The following TJP3 variants were observed in gnomAD, a reference collection of about 807,000 sequenced individuals.
The protein encoded by TJP3 is tight junction protein ZO-3.
Under a neutral mutation model 104.2 loss-of-function variants are expected in TJP3, and 85 were observed. The observed-to-expected ratio is 0.82, with a 90% confidence interval of 0.68 to 0.98. The LOEUF is 0.98. Ranked by LOEUF, TJP3 falls within the 50% of genes least tolerant of loss-of-function variation. The probability of loss-of-function intolerance (pLI) is 0.00; values close to 1 mark genes in which losing one functional copy is unlikely to be tolerated. For synonymous variants in TJP3, 550 were observed against 550.6 expected (o/e 1.00, Z 0.02); for missense variants, 1,367 against 1,322.8 (o/e 1.03, Z -0.52).
intron 1 of TJP3, among the ~76,000 whole-genome samples, chr19:3,718,882 T>C (rs2036516509): frequency 6.6e-6 from 1 of 152,060 alleles, no homozygotes; most frequent in African/African-American, 2.4e-5. Flanking sequence ...AATACACGGC[T>C]ATTTAAAGAT....
intron 1 of TJP3, among the ~76,000 whole-genome samples, chr19:3,715,461 C>A (rs1349809443): frequency 3.3e-5 from 5 of 152,100 alleles, no homozygotes; most frequent in Non-Finnish European, 7.4e-5. Flanking sequence ...TAAGGCTATG[C>A]CCATCTCCAA....
In TJP3 at chr19:3,746,683, C is replaced by G. The variant is rs776669862; in HGVS notation, c.2209C>G (p.His737Asp). The change falls in exon 17 of 21, where the codon CAC (histidine) becomes GAC (aspartate). Residue 737 changes from histidine to aspartate, a missense_variant. Coordinates refer to ENST00000541714, the MANE Select transcript of TJP3 (RefSeq NM_001267560.2). The surrounding 1 kb of genome is among the most constrained non-coding windows in gnomAD (Gnocchi z 4.1). ...CCAGAAGCTGCGAAAACACAGCAGCCACCTCTTCACAGGTTGGGGGGTGGG... is the reference window on the plus strand; with the variant it reads ...CCAGAAGCTGCGAAAACACAGCAGCGACCTCTTCACAGGTTGGGGGGTGGG... ...QAQKLRKHSSHLFTATIPLNG... is the reference protein window; with the variant it reads ...QAQKLRKHSSDLFTATIPLNG... 4.3e-6 allele frequency: 7 copies of G among 1,611,646 alleles called. No homozygotes were observed. The highest frequency in any genetic ancestry group is 5.9e-6 in the Non-Finnish European group (7 of 1,178,964).
intron 1 of TJP3, among the ~76,000 whole-genome samples, chr19:3,717,986 G>C (rs564659910): frequency 8.6e-5 from 13 of 151,532 alleles, no homozygotes; most frequent in African/African-American, 1.5e-4. Context: ...GAGGCCGAGG[G>C]GGGCGGATCA....
intron 1 of TJP3, among the ~76,000 whole-genome samples, chr19:3,718,467 T>TG (rs1462830952): frequency 3.8e-5 from 5 of 130,878 alleles, no homozygotes; most frequent in African/African-American, 1.4e-4. Flanking sequence ...TTTTTTTTTT[T>TG]GGGGTGGTGG....
chr19:3,745,025 A>G (rs2036867582), intron 15 of TJP3, among the ~76,000 whole-genome samples: 1 of 151,008 alleles, frequency 6.6e-6, no homozygotes, highest in Non-Finnish European at 1.5e-5. Context: ...AGGTGTGAGG[A>G]TGACTTGAGC....
At position 3,748,848 on chromosome 19, in the gene TJP3, CTTTTTTTTTTTTT is replaced by C. The variant is rs71166925; in HGVS notation, c.2610+783_2610+795del. ...ACAGGTGTGAGCCACTGCACCCGGCCTTTTTTTTTTTTTTTTTTTTTTTTTTTTGAGTTAGAGT... is the reference window on the plus strand; with the variant it reads ...ACAGGTGTGAGCCACTGCACCCGGCCTTTTTTTTTTTTTTTGAGTTAGAGT... On this transcript the variant is annotated intron_variant, in intron 19 of 20. Transcript: ENST00000541714. 7.3e-3 allele frequency among the ~76,000 whole-genome samples: 356 copies of C among 48,858 alleles called. 2 individuals are homozygous for C. Among genetic ancestry groups the C allele is most frequent in the African/African-American group, 0.034 (342 of 10,056 alleles). The allele number at this position is 48,858 out of a possible 152,430, so 32.1% of individuals were successfully genotyped here.
In TJP3 at chr19:3,736,237, T is replaced by C. The variant is rs1314119915; in HGVS notation, c.1200T>C (p.Asn400=). The change falls in exon 11 of 21, where the codon AAT becomes AAC. Residue 400 remains asparagine (N), a synonymous_variant. Coordinates refer to ENST00000541714, the MANE Select transcript of TJP3 (RefSeq NM_001267560.2). ...TCGGGCTGCGGCTGGCAGGGGGCAA[T>C]GACGTGGGCATCTTCGTGTCCGGGG... ...KSIGLRLAGG[N]DVGIFVSGVQ... is the part of the protein sequence containing the mutation. The C allele has an allele frequency of 6.3e-7, 1 of 1,582,948 alleles. No individual in the cohort carries two copies. The highest frequency in any genetic ancestry group is 8.6e-7 in the Non-Finnish European group (1 of 1,164,532).
At position 3,717,218 on chromosome 19, in the gene TJP3, A is replaced by G. The variant is rs1317929233; in HGVS notation, c.-10+8657A>G. On this transcript the variant is annotated intron_variant, in intron 1 of 20. Transcript: ENST00000541714. ...AACCTCAGGTGATCCGCCCGCCTCG[A>G]CCTCCCAAAGTGCTGGGATTACAGG... 3.5e-5 allele frequency among the ~76,000 whole-genome samples: 5 copies of G among 142,076 alleles called. 1 individual carries two copies. Among genetic ancestry groups the G allele is most frequent in the East Asian group, 2.0e-4 (1 of 4,888 alleles). The allele number at this position is 142,076 out of a possible 152,430, so 93.2% of individuals were successfully genotyped here. A position where few individuals can be genotyped will look rare whatever the true frequency, so the allele number is the denominator to read the frequency against.
At chr19:3,740,216 GCGAGACTCTATCTCAAAAA>G (rs1160450560) in intron 13 of TJP3, among the ~76,000 whole-genome samples, 4 of 151,602 alleles carry the variant, frequency 2.6e-5, no homozygotes, top group African/African-American at 9.7e-5. Context: ...TGGCGACGGA[GCGAGACTCTATCTCAAAAA>G]AGTAAATAAA....
chr19:3,736,215 G>C lies in TJP3; in HGVS notation c.1178G>C (p.Gly393Ala). Reference protein sequence around the residue: ...VVRFLKGKSIGLRLAGGNDVG... With the variant: ...VVRFLKGKSIALRLAGGNDVG... Reference sequence around the variant, plus strand: ...CGCTTCCTCAAGGGCAAGAGCATCGGGCTGCGGCTGGCAGGGGGCAATGAC... The same window carrying C: ...CGCTTCCTCAAGGGCAAGAGCATCGCGCTGCGGCTGGCAGGGGGCAATGAC... Residue 393 changes from glycine (G) to alanine (A), a missense_variant, in exon 11 of 21, where the codon GGG (glycine) becomes GCG (alanine). Physicochemically the swap from Gly to Ala is moderately conservative, Grantham distance 60. Transcript: ENST00000541714. 2 of 1,596,174 alleles carry C rather than the reference G, an allele frequency of 1.3e-6. No individual in the cohort carries two copies. The highest frequency in any genetic ancestry group is 3.5e-5 in the Admixed American group (2 of 57,616).
chr19:3,713,082 C>T (rs1478416686), intron 1 of TJP3, among the ~76,000 whole-genome samples: 4 of 152,198 alleles, frequency 2.6e-5, no homozygotes, highest in Middle Eastern at 6.8e-3. Flanking sequence ...CTTCAAAGTG[C>T]CCCCCATGAG....
intron 19 of TJP3, among the ~76,000 whole-genome samples, chr19:3,749,120 G>A (rs892487148): frequency 6.6e-6 from 1 of 151,170 alleles, no homozygotes; most frequent in Non-Finnish European, 1.5e-5. Context: ...GATCCACGTC[G>A]GCCTCTCAGA....
intron 1 of TJP3, among the ~76,000 whole-genome samples, chr19:3,709,345 C>G (rs2036412688): frequency 6.6e-6 from 1 of 152,194 alleles, no homozygotes. Context: ...ATCCAACCCC[C>G]TCGGCCTCCC....
At chr19:3,750,027 G>C (rs932235942) in intron 19 of TJP3, 111 bp from the exon 20 acceptor site, 13 of 1,374,360 alleles carry the variant, frequency 9.5e-6, no homozygotes, top group Admixed American at 1.8e-5. Flanking sequence ...GGGTTAGCAA[G>C]TGGGCAGCAT....
intron 6 of TJP3, among the ~76,000 whole-genome samples, chr19:3,732,258 A>G (rs1014964063): frequency 1.6e-4 from 24 of 152,000 alleles, no homozygotes; most frequent in Admixed American, 1.4e-3. Context: ...TAGTATCCCC[A>G]TGGGGTTGTC....
At chr19:3,750,222 T>C (rs1332167110) in intron 20 of TJP3, 38 bp downstream of exon 20, 3 of 1,613,218 alleles carry the variant, frequency 1.9e-6, no homozygotes, top group Admixed American at 3.3e-5. Flanking sequence ...CCCTCAACCC[T>C]TCCCTTGGGA....
chr19:3,724,644 C>G (rs2036579492), intron 1 of TJP3, among the ~76,000 whole-genome samples: 5 of 152,176 alleles, frequency 3.3e-5, no homozygotes. Flanking sequence ...TCAGGTGATC[C>G]TTCTGCCTCA....
intron 1 of TJP3, among the ~76,000 whole-genome samples, chr19:3,711,029 G>T (rs1212040711): frequency 6.8e-6 from 1 of 147,946 alleles, no homozygotes; most frequent in African/African-American, 2.5e-5. Context: ...TCAGCCTCCC[G>T]AGTAGCTGGG....
chr19:3,734,490 G>A (rs2036714209), intron 8 of TJP3, 55 bp downstream of exon 8: 4 of 1,515,212 alleles, frequency 2.6e-6, no homozygotes, highest in Non-Finnish European at 3.6e-6. Flanking sequence ...GAGGTGGGAG[G>A]GAGAGGGGAA....
Sources: allele counts gnomAD v4.1 joint callset (sites outside exome capture counted in the v4.1 genomes callset), GRCh38; gene constraint gnomAD v4.1.1; non-coding constraint Gnocchi (gnomAD v3.1); transcripts MANE v1.5; gene names NCBI Gene and HGNC (gene_info 2026-07-23, HGNC 2026-07-21).